Variants in CEP89 observed in about 807,000 individuals in gnomAD.
CEP89 encodes the protein centrosomal protein of 89 kDa.
A neutral mutation model predicts 97.6 loss-of-function variants in CEP89; 95 were observed. The observed-to-expected ratio is 0.97, with a 90% CI of 0.82 to 1.15. The LOEUF is 1.15. CEP89 is among the 50% of genes most tolerant of loss of function. The pLI is 0.00. For missense variants in CEP89, 869 were observed against 947.7 expected (o/e 0.92, Z 1.09); for synonymous variants, 354 against 349.1 (o/e 1.01, Z -0.16).
At chr19:32,947,639 T>A (rs1489625345) in intron 5 of CEP89, among the ~76,000 whole-genome samples, 1 of 151,906 alleles carries the variant, frequency 6.6e-6, no homozygotes, top group African/African-American at 2.4e-5. Context: ...CACAGGTACA[T>A]GCCACCATAC....
intron 16 of CEP89, among the ~76,000 whole-genome samples, chr19:32,895,837 C>T (rs1334801937): frequency 1.3e-5 from 2 of 151,504 alleles, no homozygotes; most frequent in Admixed American, 6.6e-5. Flanking sequence ...TAATGAATTC[C>T]CTGAAAAAGA....
chr19:32,886,306 A>G (rs1465013976), intron 17 of CEP89, among the ~76,000 whole-genome samples: 1 of 152,100 alleles, frequency 6.6e-6, no homozygotes, highest in African/African-American at 2.4e-5. Flanking sequence ...GAATGAGAGG[A>G]GGTTCCTGGG....
At position 32,878,072 on chromosome 19, in the gene CEP89, G is replaced by A. The variant is rs557067656; in HGVS notation, c.*1090C>T. On this transcript the variant is annotated 3_prime_UTR_variant, in exon 19 of 19. Transcript: ENST00000305768. ...TGGGATTACAGGAGTGAGCCACCAT[G>A]GCTGGCCTACAAAAATTTTTTTTTT... 6.6e-6 allele frequency: 1 copy of A among 152,306 alleles called. No individual in the cohort carries two copies. Among genetic ancestry groups the A allele is most frequent in the South Asian group, 2.1e-4 (1 of 4,826 alleles). The allele number at this position is 152,306 out of a possible 1,614,324, so 9.4% of individuals were successfully genotyped here. A position where few individuals can be genotyped will look rare whatever the true frequency, so the allele number is the denominator to read the frequency against.
At chr19:32,917,025 T>C (rs557367585) in intron 13 of CEP89, among the ~76,000 whole-genome samples, 3 of 151,910 alleles carry the variant, frequency 2.0e-5, no homozygotes, top group African/African-American at 7.2e-5. Context: ...AAAAAGAAAA[T>C]ATCTAATTGG....
At chr19:32,901,033 G>A (rs777078940) in intron 15 of CEP89, among the ~76,000 whole-genome samples, 4 of 151,712 alleles carry the variant, frequency 2.6e-5, no homozygotes, top group Non-Finnish European at 4.4e-5. Flanking sequence ...CTACAGGTGC[G>A]TGCCACTACC....
At chr19:32,946,699 G>T (rs1179902629) in intron 5 of CEP89, among the ~76,000 whole-genome samples, 3 of 152,128 alleles carry the variant, frequency 2.0e-5, no homozygotes, top group Non-Finnish European at 4.4e-5. Flanking sequence ...TAGTGAATAA[G>T]TCTCATGAAA....
chr19:32,931,393 A>C (rs774413720), intron 9 of CEP89, 36 bp downstream of exon 9: 4 of 1,539,914 alleles, frequency 2.6e-6, no homozygotes, highest in South Asian at 1.3e-5. Context: ...AGGCTTAAAA[A>C]TCTGAAAAGC....
intron 17 of CEP89, among the ~76,000 whole-genome samples, chr19:32,887,266 G>T (rs758392957): frequency 1.3e-5 from 2 of 151,670 alleles, no homozygotes; most frequent in Non-Finnish European, 2.9e-5. Flanking sequence ...CACCCAGGCT[G>T]GAGTACAGTG....
chr19:32,963,037 G>T (rs927101177), intron 2 of CEP89, among the ~76,000 whole-genome samples: 2 of 152,164 alleles, frequency 1.3e-5, no homozygotes, highest in Non-Finnish European at 2.9e-5. Flanking sequence ...TGAAAAAAAT[G>T]CTCAATACCA....
At chr19:32,919,287 T>TCAAGATCG (rs1970199943) in intron 12 of CEP89, among the ~76,000 whole-genome samples, 1 of 152,094 alleles carries the variant, frequency 6.6e-6, no homozygotes, top group African/African-American at 2.4e-5. Context: ...AGCTCAGCCC[T>TCAAGATCG]CAAGATCGCA....
chr19:32,913,458 A>T (rs1426631109), intron 14 of CEP89, among the ~76,000 whole-genome samples: 1 of 151,936 alleles, frequency 6.6e-6, no homozygotes, highest in Non-Finnish European at 1.5e-5. Context: ...GTATATATAT[A>T]CACGCACATA....
At chr19:32,911,352 C>T (rs946277805) in intron 14 of CEP89, among the ~76,000 whole-genome samples, 2 of 152,202 alleles carry the variant, frequency 1.3e-5, no homozygotes, top group Non-Finnish European at 2.9e-5. Flanking sequence ...CCTTCCTCTA[C>T]TACAACAAAA....
intron 17 of CEP89, among the ~76,000 whole-genome samples, chr19:32,883,017 C>A (rs1412559398): frequency 6.6e-6 from 1 of 151,992 alleles, no homozygotes; most frequent in Non-Finnish European, 1.5e-5. Flanking sequence ...CACCACCACA[C>A]CTGGTTAATT....
chr19:32,927,337 C>A (rs565058899), intron 9 of CEP89, among the ~76,000 whole-genome samples: 1 of 152,110 alleles, frequency 6.6e-6, no homozygotes, highest in Non-Finnish European at 1.5e-5. Flanking sequence ...CAAAAACATT[C>A]ATTTACTTAA....
intron 12 of CEP89, among the ~76,000 whole-genome samples, chr19:32,920,132 G>A (rs1459049765): frequency 6.6e-6 from 1 of 151,968 alleles, no homozygotes; most frequent in Non-Finnish European, 1.5e-5. Flanking sequence ...TGAATTCCTG[G>A]GCTTAACCGA....
intron 4 of CEP89, among the ~76,000 whole-genome samples, chr19:32,950,747 C>T (rs886786760): frequency 2.6e-5 from 4 of 152,160 alleles, no homozygotes; most frequent in Non-Finnish European, 5.9e-5. Flanking sequence ...CACAGCAGCA[C>T]TATTCCTAAG....
intron 16 of CEP89, among the ~76,000 whole-genome samples, chr19:32,889,761 G>A (rs1440485673): frequency 6.6e-6 from 1 of 152,180 alleles, no homozygotes; most frequent in Non-Finnish European, 1.5e-5. Context: ...GTTTACAGTG[G>A]CCTCAACATG....
At chr19:32,935,580 T>A (rs1224387875) in intron 7 of CEP89, among the ~76,000 whole-genome samples, 1 of 152,190 alleles carries the variant, frequency 6.6e-6, no homozygotes, top group East Asian at 1.9e-4. Context: ...TCGCCCAGAA[T>A]ACAGCATTGA....
intron 3 of CEP89, among the ~76,000 whole-genome samples, chr19:32,958,502 A>C (rs1292469147): frequency 6.7e-6 from 1 of 149,828 alleles, no homozygotes; most frequent in Non-Finnish European, 1.5e-5. Flanking sequence ...AACATGGCAA[A>C]ATCTCATCTC....
Sources: gnomAD v4.1 joint callset for allele counts (sites outside exome capture counted in the v4.1 genomes callset) on GRCh38, gnomAD v4.1.1 for gene constraint, MANE v1.5 for transcripts, NCBI Gene and HGNC (gene_info 2026-07-23, HGNC 2026-07-21) for gene names.